Variants in FARP2 observed in about 807,000 individuals in gnomAD.
FARP2 encodes FERM, ARH/RhoGEF and pleckstrin domain protein 2.
In FARP2, 111 loss-of-function variants were observed where a neutral mutation model predicts 130.5. The ratio of observed to expected loss-of-function variants is 0.85; its 90% confidence interval spans 0.73 to 1.00. The LOEUF (loss-of-function observed/expected upper bound fraction) is 1.00. Among genes scored for constraint, FARP2 ranks in the 50% least tolerant of loss-of-function variants. The probability of loss-of-function intolerance (pLI) is 0.00; values close to 1 mark genes in which losing one functional copy is unlikely to be tolerated. For missense variants in FARP2, 1,385 were observed against 1,346.3 expected, an observed-to-expected ratio of 1.03 and a Z score of -0.45; for synonymous variants, 504 against 516.9, an observed-to-expected ratio of 0.98 and a Z score of 0.34.
chr2:241,464,963 T>C (rs987989665), intron 17 of FARP2, among the ~76,000 whole-genome samples: 11 of 151,932 alleles, frequency 7.2e-5, no homozygotes, highest in African/African-American at 2.7e-4. Flanking sequence ...AAGAATAGGA[T>C]GCCCCTGAAA....
intron 13 of FARP2, among the ~76,000 whole-genome samples, chr2:241,455,071 C>T (rs2063794359): frequency 6.6e-6 from 1 of 152,220 alleles, no homozygotes; most frequent in South Asian, 2.1e-4. Flanking sequence ...TCTCAAGAAG[C>T]TGCTCTATAC....
rs763924092 is a variant in FARP2 at position 241,493,488 on chromosome 2, G to A, written c.3047+44G>A. ...GCCCTGGTCAGCTGCCCATTTCGAT[G>A]TCCGCTCAGCTCCCATTTCTACTCA... On this transcript the variant is annotated intron_variant, in intron 26 of 26. Coordinates refer to ENST00000264042, the MANE Select transcript of FARP2 (RefSeq NM_014808.4). 64 of 1,591,178 alleles carry A rather than the reference G, an allele frequency of 4.0e-5. 2 individuals carry two copies. The South Asian group carries it at 5.2e-4, about 13-fold the overall frequency.
At chr2:241,484,043 T>G (rs2064692297) in intron 20 of FARP2, 199 bp from the exon 21 acceptor site, 2 of 1,372,614 alleles carry the variant, frequency 1.5e-6, no homozygotes, top group African/African-American at 1.5e-5. Flanking sequence ...ACCCAGCAGA[T>G]GCACTGGTTC....
chr2:241,481,810 C>A (rs928465690), intron 19 of FARP2, among the ~76,000 whole-genome samples: 9 of 152,136 alleles, frequency 5.9e-5, no homozygotes, highest in African/African-American at 2.2e-4. Flanking sequence ...GCTCTTGAGC[C>A]ATGCATCAAA....
chr2:241,402,689 CAG>C (rs2062200498), intron 2 of FARP2, among the ~76,000 whole-genome samples: 1 of 149,724 alleles, frequency 6.7e-6, no homozygotes, highest in Non-Finnish European at 1.5e-5. Flanking sequence ...TTTTTTGAAA[CAG>C]GGTCTTACTC....
At position 241,411,026 on chromosome 2, in the gene FARP2, C is replaced by G. The variant is rs2062504265; in HGVS notation, c.411-7C>G. The G allele has an allele frequency of 6.3e-7, 1 of 1,586,792 alleles. No homozygotes were observed. Among genetic ancestry groups the G allele is most frequent in the Non-Finnish European group, 8.6e-7 (1 of 1,158,622 alleles). ...TGATCTCTGTCTTATTTTGAACTCT[C>G]TTCTAGATACTTGTTTGCCTTGCAA... On this transcript the variant is annotated splice_region_variant and splice_polypyrimidine_tract_variant and intron_variant, in intron 5 of 26. Transcript: ENST00000264042.
intron 2 of FARP2, among the ~76,000 whole-genome samples, chr2:241,395,013 A>G (rs2061995621): frequency 6.6e-6 from 1 of 152,224 alleles, no homozygotes; most frequent in East Asian, 1.9e-4. Context: ...TGTGCCAGGC[A>G]TGGTGCTCAG....
chr2:241,366,125 A>ATATATATATATATATATATATATACG (rs2061311465), intron 1 of FARP2, among the ~76,000 whole-genome samples: 2 of 67,366 alleles, frequency 3.0e-5, no homozygotes, highest in Non-Finnish European at 5.6e-5. Context: ...ATATATACGT[A>ATATATATATATATATATATATATACG]TATATATATA....
intron 2 of FARP2, among the ~76,000 whole-genome samples, chr2:241,394,394 T>G (rs1474344580): frequency 2.6e-5 from 4 of 151,956 alleles, no homozygotes; most frequent in Non-Finnish European, 4.4e-5. Context: ...GGCGGGCACC[T>G]GTAGTCCCAG....
intron 8 of FARP2, among the ~76,000 whole-genome samples, chr2:241,426,962 C>T (rs4675959): frequency 0.033 from 5,069 of 152,188 alleles, 511 homozygotes; most frequent in Admixed American, 0.19. Context: ...AGGCTGGGCG[C>T]GGTGGCTCAC....
In FARP2 at chr2:241,463,441, G is replaced by A. The variant is rs149174780; in HGVS notation, c.1784G>A (p.Arg595His). ...TATGAGTTCCACAGAGGCTTCCTGC[G>A]CGAGGTGGAGCAGAGGCTGGCACTC... is the stretch of plus-strand genomic sequence containing the variant. ...PIYEFHRGFL[R>H]EVEQRLALWE... Residue 595 changes from arginine to histidine, a missense_variant, in exon 16 of 27, where the codon CGC becomes CAC. Coordinates refer to ENST00000264042, the MANE Select transcript of FARP2 (RefSeq NM_014808.4). 141 of 1,613,924 alleles carry A rather than the reference G, an allele frequency of 8.7e-5. 1 individual carries two copies. Among genetic ancestry groups the A allele is most frequent in the Non-Finnish European group, 1.0e-4 (119 of 1,180,008 alleles).
chr2:241,410,984 C>T (rs997047788), intron 5 of FARP2, 49 bp from the exon 6 acceptor site: 1 of 1,270,952 alleles, frequency 7.9e-7, no homozygotes, highest in African/African-American at 1.5e-5. Context: ...ATGTTACATT[C>T]AGAGAACATT....
intron 13 of FARP2, 51 bp downstream of exon 13, chr2:241,441,607 G>A: frequency 6.2e-7 from 1 of 1,613,314 alleles, no homozygotes; most frequent in Non-Finnish European, 8.5e-7. Context: ...CTGTGCTGGG[G>A]GGCAGAGTTT....
chr2:241,464,007 C>A, intron 17 of FARP2, 27 bp downstream of exon 17: 3 of 1,586,730 alleles, frequency 1.9e-6, no homozygotes, highest in Non-Finnish European at 2.6e-6. Context: ...CTACTGCCTA[C>A]ATGAATGCTG....
At chr2:241,478,778 C>A in intron 19 of FARP2, 1 of 409,934 alleles carries the variant, frequency 2.4e-6, no homozygotes, top group South Asian at 2.0e-5. Context: ...GCTTCAGTGT[C>A]AGGAGGAGGA....
intron 2 of FARP2, among the ~76,000 whole-genome samples, chr2:241,385,539 T>C (rs1380109950): frequency 2.6e-5 from 4 of 151,966 alleles, no homozygotes; most frequent in African/African-American, 9.7e-5. Context: ...CTGGGCAACA[T>C]AGCGAAACTG....
At position 241,463,416 on chromosome 2, in the gene FARP2, T is replaced by A; in HGVS notation, c.1759T>A (p.Tyr587Asn). ...TLLFSNIDPI[Y>N]EFHRGFLREV... ...GCTCTTCTCCAACATCGATCCCATC[T>A]ATGAGTTCCACAGAGGCTTCCTGCG... Residue 587 changes from tyrosine (Y) to asparagine (N), a missense_variant, in exon 16 of 27, where the codon TAT becomes AAT. Physicochemically the swap from Tyr to Asn is moderately radical, Grantham distance 143. Coordinates refer to ENST00000264042, the MANE Select transcript of FARP2 (RefSeq NM_014808.4). 1.2e-6 allele frequency: 2 copies of A among 1,614,132 alleles called. No homozygotes were observed. Among genetic ancestry groups the A allele is most frequent in the Non-Finnish European group, 1.7e-6 (2 of 1,180,028 alleles).
chr2:241,493,159 C>A, intron 25 of FARP2, 123 bp downstream of exon 25: 1 of 1,170,568 alleles, frequency 8.5e-7, no homozygotes, highest in Non-Finnish European at 1.3e-6. Flanking sequence ...ACACCCTGTG[C>A]TGTGTGAACA....
chr2:241,491,202 C>G lies in FARP2; in HGVS notation c.2623+23C>G, dbSNP rs747706937. ...CCAGTGAGTGCTGGCCACAACCCCCCAGGAGACCTCCACTACACCTAAGGA... is the reference window on the plus strand; with the variant it reads ...CCAGTGAGTGCTGGCCACAACCCCCGAGGAGACCTCCACTACACCTAAGGA... On this transcript the variant is annotated intron_variant, in intron 23 of 26. Transcript: ENST00000264042. The G allele has an allele frequency of 9.7e-6, 15 of 1,540,232 alleles. No homozygotes were observed. The South Asian group carries it at 1.6e-4, about 16-fold the overall frequency.
Sources: allele counts gnomAD v4.1 joint callset (sites outside exome capture counted in the v4.1 genomes callset), GRCh38; gene constraint gnomAD v4.1.1; transcripts MANE v1.5; gene names NCBI Gene and HGNC (gene_info 2026-07-23, HGNC 2026-07-21).